Variants in METTL9 observed in about 807,000 individuals in gnomAD.
METTL9 encodes methyltransferase 9, His-X-His N1(pi)-histidine.
In METTL9, 10 loss-of-function variants were observed where a neutral mutation model predicts 36.0. That is an observed-to-expected ratio of 0.28 (90% CI 0.17 to 0.47). The LOEUF is 0.47. METTL9 is among the 20% of genes least tolerant of loss of function. The probability of loss-of-function intolerance (pLI) is 0.99; values close to 1 mark genes in which losing one functional copy is unlikely to be tolerated. For synonymous variants in METTL9, 175 were observed against 149.7 expected (o/e 1.17, Z -1.23); for missense variants, 246 against 383.5 (o/e 0.64, Z 3.00).
intron 3 of METTL9, among the ~76,000 whole-genome samples, chr16:21,622,227 C>T (rs936410786): frequency 2.1e-5 from 3 of 144,636 alleles, no homozygotes; most frequent in Non-Finnish European, 4.5e-5. Context: ...TCACTGTAAC[C>T]TCAAACTCTT....
chr16:21,627,037 G>A, intron 4 of METTL9: 2 of 985,422 alleles, frequency 2.0e-6, no homozygotes, highest in Non-Finnish European at 2.4e-6. Context: ...TTGAGTCTGA[G>A]GAGTCTGGCA....
chr16:21,622,141 C>CTGTTTTTTTTTTTTTTT (rs1965715168), intron 3 of METTL9, among the ~76,000 whole-genome samples: 1 of 34,922 alleles, frequency 2.9e-5, no homozygotes, highest in Non-Finnish European at 4.6e-5. Context: ...CATGCCTGGC[C>CTGTTTTTTTTTTTTTTT]TTTTTTTTTT....
chr16:21,599,974 G>A lies in METTL9; in HGVS notation c.165+76G>A, dbSNP rs1219542970. 2.5e-6 allele frequency: 3 copies of A among 1,183,382 alleles called. No individual in the cohort carries two copies. Among genetic ancestry groups the A allele is most frequent in the South Asian group, 3.8e-5 (1 of 26,188 alleles). 73.3% of individuals were successfully genotyped at this position (1,183,382 alleles called of 1,614,324 possible). A position where few individuals can be genotyped will look rare whatever the true frequency, so the allele number is the denominator to read the frequency against. On this transcript the variant is annotated intron_variant, in intron 1 of 4. Transcript: ENST00000358154. This position sits in a 1 kb window ranked among gnomAD's most constrained non-coding sequence, Gnocchi z 4.4. Reference sequence around the variant, plus strand: ...CGCGCTGGGCCCGGCTATTGTGCGGGACGGCTCCGCGAGGGGGCGGCCCGG... The same window carrying A: ...CGCGCTGGGCCCGGCTATTGTGCGGAACGGCTCCGCGAGGGGGCGGCCCGG...
chr16:21,621,189 G>A (rs1028519695), intron 3 of METTL9, among the ~76,000 whole-genome samples: 6 of 151,884 alleles, frequency 4.0e-5, no homozygotes, highest in Admixed American at 2.0e-4. Flanking sequence ...TGTGTGTTGT[G>A]TGTGTAGAGA....
At chr16:21,602,063 A>G (rs1227030039) in intron 1 of METTL9, among the ~76,000 whole-genome samples, 1 of 152,102 alleles carries the variant, frequency 6.6e-6, no homozygotes, top group African/African-American at 2.4e-5. Context: ...TTGCCTTATA[A>G]CTTCGTTGCT....
chr16:21,623,784 T>C (rs933891417), intron 3 of METTL9, among the ~76,000 whole-genome samples: 39 of 152,130 alleles, frequency 2.6e-4, no homozygotes, highest in Non-Finnish European at 1.2e-4. Flanking sequence ...TGTTTTGTTT[T>C]GTTTTGAGAT....
chr16:21,607,914 C>T (rs902578293), intron 1 of METTL9, among the ~76,000 whole-genome samples: 35 of 152,232 alleles, frequency 2.3e-4, no homozygotes, highest in East Asian at 1.7e-3. Context: ...TTTGCGAGGC[C>T]GAGGCAGGCA....
chr16:21,617,287 G>A (rs138250897), intron 2 of METTL9, among the ~76,000 whole-genome samples: 2,464 of 151,828 alleles, frequency 0.016, 68 homozygotes, highest in African/African-American at 0.056. Context: ...GTGTGGTGGC[G>A]GGCGCCTGTA....
chr16:21,618,601 T>C (rs1485945574), intron 3 of METTL9, among the ~76,000 whole-genome samples: 2 of 152,222 alleles, frequency 1.3e-5, no homozygotes, highest in Non-Finnish European at 2.9e-5. Flanking sequence ...TTCTGGGTAT[T>C]TCGTATAAGA....
At position 21,599,841 on chromosome 16, in the gene METTL9, G is replaced by T; in HGVS notation, c.108G>T (p.Met36Ile). ...TCACCCGCTCCCTGTACGTGAACAT[G>T]ACTAGCGGCCCGGGTGGGCCGGCGG... ...SPLTRSLYVN[M>I]TSGPGGPAAA... is the part of the protein sequence containing the mutation. The change falls in exon 1 of 5, where the codon ATG (methionine) becomes ATT (isoleucine). Residue 36 changes from methionine (M) to isoleucine (I), a missense_variant. Transcript: ENST00000358154. The surrounding 1 kb of genome is among the most constrained non-coding windows in gnomAD (Gnocchi z 4.4). 2 of 1,528,770 alleles carry T rather than the reference G, an allele frequency of 1.3e-6. No homozygotes were observed. Among genetic ancestry groups the T allele is most frequent in the South Asian group, 2.4e-5 (2 of 82,464 alleles). 94.7% of individuals were successfully genotyped at this position (1,528,770 alleles called of 1,614,324 possible). A position where few individuals can be genotyped will look rare whatever the true frequency, so the allele number is the denominator to read the frequency against.
chr16:21,644,374 T>A (rs1966365493), intron 4 of METTL9: 3 of 1,613,200 alleles, frequency 1.9e-6, no homozygotes, highest in Non-Finnish European at 2.5e-6. Flanking sequence ...AGCTCCGCAG[T>A]TCCTTGCTGA....
At chr16:21,641,633 T>C in intron 4 of METTL9, 6 of 1,352,710 alleles carry the variant, frequency 4.4e-6, no homozygotes, top group Non-Finnish European at 6.3e-6. Context: ...TTTAAGGTTA[T>C]GTAACCAATG....
At chr16:21,645,370 T>C (rs951754698) in intron 4 of METTL9, among the ~76,000 whole-genome samples, 2 of 152,102 alleles carry the variant, frequency 1.3e-5, no homozygotes, top group Non-Finnish European at 2.9e-5. Flanking sequence ...GGAGAATCGC[T>C]TGAACCCGGA....
In METTL9 at chr16:21,630,401, C is replaced by T. The variant is rs554494091; in HGVS notation, c.751+5286C>T. Among the ~76,000 whole-genome samples the T allele has an allele frequency of 2.0e-5, 3 of 152,350 alleles. No individual in the cohort carries two copies. In the South Asian group the frequency reaches 6.2e-4, roughly 32 times the overall value. Reference sequence around the variant, plus strand: ...GCCAGCCCCAGAGAGGAGGCCCCTACAGTGCAGCCGTGGGCTGAAGGGCTC... The same window carrying T: ...GCCAGCCCCAGAGAGGAGGCCCCTATAGTGCAGCCGTGGGCTGAAGGGCTC... On this transcript the variant is annotated intron_variant, in intron 4 of 4. Coordinates refer to ENST00000358154, the MANE Select transcript of METTL9 (RefSeq NM_016025.5).
At chr16:21,622,162 T>TTTTTTTTTTTTTTTTTTG (rs71151646) in intron 3 of METTL9, among the ~76,000 whole-genome samples, 1 of 136,070 alleles carries the variant, frequency 7.3e-6, no homozygotes, top group African/African-American at 2.8e-5. Flanking sequence ...TTTTTTTTTT[T>TTTTTTTTTTTTTTTTTTG]GAGACAGGAT....
chr16:21,645,301 A>G (rs1383399332), intron 4 of METTL9, among the ~76,000 whole-genome samples: 1 of 152,076 alleles, frequency 6.6e-6, no homozygotes, highest in Admixed American at 6.6e-5. Context: ...AAAAATACCA[A>G]AATTAGCTGG....
At chr16:21,599,496 G>T, upstream of METTL9, 1 of 1,214,884 alleles carries the variant, frequency 8.2e-7, no homozygotes, top group Non-Finnish European at 1.0e-6. This position sits in a 1 kb window ranked among gnomAD's most constrained non-coding sequence, Gnocchi z 4.4. Flanking sequence ...AAGTGCTCCG[G>T]ATGGAAACTG....
rs753872522 is a variant in METTL9 at position 21,599,851 on chromosome 16, C to T, written c.118C>T (p.Pro40Ser). The T allele has an allele frequency of 1.3e-6, 2 of 1,508,594 alleles. No individual in the cohort carries two copies. Among genetic ancestry groups the T allele is most frequent in the Non-Finnish European group, 1.8e-6 (2 of 1,134,984 alleles). 93.5% of individuals were successfully genotyped at this position (1,508,594 alleles called of 1,614,324 possible). Reference sequence around the variant, plus strand: ...CCTGTACGTGAACATGACTAGCGGCCCGGGTGGGCCGGCGGCGGCCGCGGG... The same window carrying T: ...CCTGTACGTGAACATGACTAGCGGCTCGGGTGGGCCGGCGGCGGCCGCGGG... ...RSLYVNMTSGPGGPAAAAGGR... is the reference protein window; with the variant it reads ...RSLYVNMTSGSGGPAAAAGGR... The change falls in exon 1 of 5, where the codon CCG becomes TCG. Residue 40 changes from proline to serine, a missense_variant. Physicochemically the swap from Pro to Ser is moderately conservative, Grantham distance 74 (BLOSUM62 -1). Coordinates refer to ENST00000358154, the MANE Select transcript of METTL9 (RefSeq NM_016025.5). This position sits in a 1 kb window ranked among gnomAD's most constrained non-coding sequence, Gnocchi z 4.4.
chr16:21,597,403 G>A, upstream of METTL9: 3 of 684,050 alleles, frequency 4.4e-6, no homozygotes, highest in Non-Finnish European at 4.5e-6. Context: ...ATGGGTTTGA[G>A]TGTTTGGTGG....
Sources: allele counts gnomAD v4.1 joint callset (sites outside exome capture counted in the v4.1 genomes callset), GRCh38; gene constraint gnomAD v4.1.1; non-coding constraint Gnocchi (gnomAD v3.1); transcripts MANE v1.5; gene names NCBI Gene and HGNC (gene_info 2026-07-23, HGNC 2026-07-21).